The following OR51B5 variants were observed in gnomAD, a reference collection of about 807,000 sequenced individuals.
OR51B5 encodes the protein olfactory receptor family 51 subfamily B member 5.
For missense variants in OR51B5, 456 were observed against 374.6 expected (o/e 1.22, Z -1.79); for synonymous variants, 186 against 144.8 (o/e 1.28, Z -2.04).
At chr11:5,343,742 C>A (rs769364690), upstream of OR51B5, 1 of 414,572 alleles carries the variant, frequency 2.4e-6, no homozygotes. Context: ...CTCCTACCTA[C>A]GTAATCAAAT....
chr11:5,491,310 G>A (rs1006304533), intron 1 of OR51B5, among the ~76,000 whole-genome samples: 5 of 152,208 alleles, frequency 3.3e-5, no homozygotes, highest in Non-Finnish European at 5.9e-5. Flanking sequence ...GCAATTACAA[G>A]AAAAAGTATC....
intron 1 of OR51B5, among the ~76,000 whole-genome samples, chr11:5,477,278 C>G (rs1470713976): frequency 6.6e-6 from 1 of 152,150 alleles, no homozygotes; most frequent in Admixed American, 6.5e-5. Flanking sequence ...GAAAATGGCT[C>G]TGACAGGAAA....
intron 1 of OR51B5, among the ~76,000 whole-genome samples, chr11:5,441,678 G>C (rs2133776939): frequency 6.6e-6 from 1 of 152,224 alleles, no homozygotes; most frequent in East Asian, 1.9e-4. Context: ...AAGCAACCGG[G>C]TTCTAATCGT....
chr11:5,344,930 T>C (rs1848967311), upstream of OR51B5, among the ~76,000 whole-genome samples: 2 of 152,298 alleles, frequency 1.3e-5, no homozygotes, highest in Admixed American at 1.3e-4. Context: ...GAACTGCACC[T>C]ATGAGGAGGT....
chr11:5,477,936 G>A (rs910744776), intron 1 of OR51B5, among the ~76,000 whole-genome samples: 9 of 151,992 alleles, frequency 5.9e-5, no homozygotes, highest in African/African-American at 2.2e-4. Context: ...GGCTGGGGAG[G>A]GGCGCCCGCC....
At chr11:5,387,638 TC>T (rs540870418) in intron 1 of OR51B5, among the ~76,000 whole-genome samples, 143 of 152,300 alleles carry the variant, frequency 9.4e-4, no homozygotes, top group African/African-American at 3.3e-3. Context: ...CCTTGCTTCC[TC>T]CATTGAATAT....
At chr11:5,359,870 C>G (rs1390103381) in intron 1 of OR51B5, among the ~76,000 whole-genome samples, 1 of 151,980 alleles carries the variant, frequency 6.6e-6, no homozygotes, top group Admixed American at 6.5e-5. Flanking sequence ...CTTTGACAAA[C>G]CTGACAAAAA....
intron 1 of OR51B5, among the ~76,000 whole-genome samples, chr11:5,382,062 T>C (rs1385647565): frequency 6.6e-6 from 1 of 152,222 alleles, no homozygotes; most frequent in African/African-American, 2.4e-5. Flanking sequence ...CTGGAAAATA[T>C]GATTGTTATC....
At chr11:5,458,893 T>C (rs1118715) in intron 1 of OR51B5, among the ~76,000 whole-genome samples, 98,349 of 152,034 alleles carry the variant, frequency 0.65, 32,103 homozygotes, top group Non-Finnish European at 0.67. Context: ...AACATGTCAT[T>C]TGAAAATAGG....
chr11:5,453,983 G>A (rs1427956102), intron 1 of OR51B5: 9 of 1,613,850 alleles, frequency 5.6e-6, no homozygotes, highest in South Asian at 4.4e-5. Context: ...TTATTAAGAG[G>A]CTGCCTATCT....
intron 1 of OR51B5, among the ~76,000 whole-genome samples, chr11:5,353,940 TTTTG>T (rs1250367999): frequency 1.5e-4 from 19 of 130,558 alleles, no homozygotes; most frequent in Non-Finnish European, 5.1e-5. Context: ...GACCAAAAGA[TTTTG>T]TTTGTTTTAC....
chr11:5,456,679 C>A (rs897091006), intron 1 of OR51B5, among the ~76,000 whole-genome samples: 1 of 151,980 alleles, frequency 6.6e-6, no homozygotes, highest in African/African-American at 2.4e-5. Flanking sequence ...TGCATGTCAC[C>A]GGGGTTTGGT....
intron 1 of OR51B5, among the ~76,000 whole-genome samples, chr11:5,472,925 C>T (rs1851250216): frequency 6.6e-6 from 1 of 152,114 alleles, no homozygotes; most frequent in Non-Finnish European, 1.5e-5. Flanking sequence ...CTTGTTTGCC[C>T]CATCCTGTAC....
At chr11:5,357,178 G>A (rs949229805) in intron 1 of OR51B5, among the ~76,000 whole-genome samples, 3 of 151,978 alleles carry the variant, frequency 2.0e-5, no homozygotes, top group Admixed American at 1.3e-4. Context: ...GACACAGACG[G>A]GCAAATTAGA....
chr11:5,361,531 C>G (rs1326730688), intron 1 of OR51B5, among the ~76,000 whole-genome samples: 2 of 152,208 alleles, frequency 1.3e-5, no homozygotes, highest in South Asian at 4.2e-4. Flanking sequence ...GTGTCTTGGC[C>G]TAGAGGCTCC....
rs186753628 is a variant in OR51B5 at position 5,452,089 on chromosome 11, T to C, written n.84+53480A>G. 2.8e-3 allele frequency among the ~76,000 whole-genome samples: 419 copies of C among 152,298 alleles called. 2 individuals are homozygous for C. Among genetic ancestry groups the C allele is most frequent in the Non-Finnish European group, 4.4e-3 (298 of 68,028 alleles). On this transcript the variant is annotated intron_variant and non_coding_transcript_variant, in intron 1 of 4. Transcript: ENST00000415970. ...AGTGGGCAGTCCCCAAGCATGTAGA[T>C]AGAAGTGTTGTGTGAGTATACAAAT... is the stretch of plus-strand genomic sequence containing the variant.
intron 1 of OR51B5, among the ~76,000 whole-genome samples, chr11:5,442,672 T>A (rs1266427674): frequency 6.6e-6 from 1 of 152,220 alleles, no homozygotes; most frequent in Non-Finnish European, 1.5e-5. Flanking sequence ...GTTATTTGCC[T>A]GCTTCTCCAG....
chr11:5,453,625 T>C (rs371546106), intron 1 of OR51B5: 12 of 1,613,846 alleles, frequency 7.4e-6, no homozygotes, highest in Non-Finnish European at 1.0e-5. Flanking sequence ...ACAGTGATCC[T>C]GCAGGCTGTG....
rs535621752 is a variant in OR51B5 at position 5,441,364 on chromosome 11, C to G, written n.84+64205G>C. ...TGATGCAGAGCAGGCTCCCAAAACA[C>G]CAGAGTGAGAATGCTGAGGTTACCT... On this transcript the variant is annotated intron_variant and non_coding_transcript_variant, in intron 1 of 4. Coordinates refer to the OR51B5 transcript ENST00000415970. 3.5e-5 allele frequency: 56 copies of G among 1,613,916 alleles called. 1 individual carries two copies. The highest frequency in any genetic ancestry group is 3.4e-4 in the South Asian group (31 of 91,078).
Sources: allele counts gnomAD v4.1 joint callset (sites outside exome capture counted in the v4.1 genomes callset), GRCh38; gene constraint gnomAD v4.1.1; transcripts MANE v1.5; gene names NCBI Gene and HGNC (gene_info 2026-07-23, HGNC 2026-07-21).